The following STAT2 variants were observed in gnomAD, a reference collection of about 807,000 sequenced individuals.
The protein encoded by STAT2 is interferon alpha induced transcriptional activator.
A neutral mutation model predicts 122.3 loss-of-function variants in STAT2; 51 were observed. The ratio of observed to expected loss-of-function variants is 0.42; its 90% CI spans 0.33 to 0.53. The LOEUF (loss-of-function observed/expected upper bound fraction) is 0.53. STAT2 is among the 20% of genes least tolerant of loss of function. STAT2 has a pLI of 0.10. For synonymous variants in STAT2, 351 were observed against 394.9 expected (o/e 0.89, Z 1.32); for missense variants, 736 against 1,010.3 (o/e 0.73, Z 3.68).
rs1443614239 is a variant in STAT2, at chr12:56,349,727, G to A, written c.1210-91C>T. 5.2e-6 allele frequency: 8 copies of A among 1,538,844 alleles called. No homozygotes were observed. The Admixed American group carries it at 1.2e-4, about 23-fold the overall frequency. ...TTGGCTTCAAGACCTCTCAAGCCCTGGGAACTTCCCCCAACCCCTGTTCCT... is the reference window on the plus strand; with the variant it reads ...TTGGCTTCAAGACCTCTCAAGCCCTAGGAACTTCCCCCAACCCCTGTTCCT... On this transcript the variant is annotated intron_variant, in intron 13 of 23. Transcript: ENST00000314128.
At chr12:56,360,006 C>G (rs1460787307) in intron 1 of STAT2, 52 bp downstream of exon 1, 38 of 972,880 alleles carry the variant, frequency 3.9e-5, no homozygotes, top group Non-Finnish European at 4.3e-5. Context: ...CTCGGAGGAA[C>G]TCTCACTCTC....
Position 56,344,091 on chromosome 12 carries a change from G to C in STAT2, c.2147C>G (p.Pro716Arg). 6.3e-7 allele frequency: 1 copy of C among 1,583,958 alleles called. No individual in the cohort carries two copies. The highest frequency in any genetic ancestry group is 8.6e-7 in the Non-Finnish European group (1 of 1,163,732). ...TTCCAGCTCTAATGACTCCAGCTCTGGCTCTGGCTTAAGCTCCAGCGGTTG... is the reference window on the plus strand; with the variant it reads ...TTCCAGCTCTAATGACTCCAGCTCTCGCTCTGGCTTAAGCTCCAGCGGTTG... The part of the protein sequence containing the change: ...LQQPLELKPE[P>R]ELESLELELG... Residue 716 changes from proline to arginine, a missense_variant, in exon 23 of 24, where the codon CCA becomes CGA. Physicochemically the swap from Pro to Arg is moderately radical, Grantham distance 103. Coordinates refer to ENST00000314128, the MANE Select transcript of STAT2 (RefSeq NM_005419.4).
At chr12:56,350,041 T>A in intron 13 of STAT2, 56 bp downstream of exon 13, 1 of 1,464,974 alleles carries the variant, frequency 6.8e-7, no homozygotes, top group Admixed American at 1.8e-5. Flanking sequence ...AGAGTGAGAC[T>A]CCGTCTCAAA....
intron 19 of STAT2, among the ~76,000 whole-genome samples, chr12:56,348,237 G>A (rs1200597410): frequency 1.3e-5 from 2 of 151,834 alleles, no homozygotes; most frequent in East Asian, 1.9e-4. Context: ...ACAGGTGTCT[G>A]CCACCACGCC....
At chr12:56,352,553 C>T (rs1878693884) in intron 8 of STAT2, 2 of 151,710 alleles carry the variant, frequency 1.3e-5, no homozygotes, top group South Asian at 4.1e-4. Flanking sequence ...AGGCCAGGCA[C>T]TCCAGCCTGG....
chr12:56,351,249 CT>C (rs751139040), intron 9 of STAT2, 42 bp downstream of exon 9: 1 of 1,611,928 alleles, frequency 6.2e-7, no homozygotes, highest in East Asian at 2.2e-5. Flanking sequence ...AATGGCTTCC[CT>C]TGTTCCTTCT....
In STAT2 at chr12:56,348,788, A is replaced by G. The variant is rs1877955482; in HGVS notation, c.1593T>C (p.Thr531=). 1 of 1,614,216 alleles carries G rather than the reference A, an allele frequency of 6.2e-7. No individual in the cohort carries two copies. The highest frequency in any genetic ancestry group is 1.1e-5 in the South Asian group (1 of 91,084). Residue 531 remains threonine, a synonymous_variant, in exon 18 of 24, where the codon ACT becomes ACC. Transcript: ENST00000314128. The stretch of plus-strand genomic sequence containing the variant: ...CAGCCCAGGACAATAATGGATCCTC[A>G]GTCCTACAGTTCTGCCCTGTGGGAC... ...RNKLFGQNCR[T]EDPLLSWADF...
chr12:56,359,850 G>C (rs1005347287), intron 1 of STAT2, among the ~76,000 whole-genome samples: 1 of 152,182 alleles, frequency 6.6e-6, no homozygotes, highest in Non-Finnish European at 1.5e-5. Context: ...GAAGCTGCAG[G>C]GCAGTTTTGG....
At position 56,343,860 on chromosome 12, in the gene STAT2, C is replaced by T. The variant is rs762680392; in HGVS notation, c.2378G>A (p.Cys793Tyr). The change falls in exon 23 of 24, where the codon TGT (cysteine) becomes TAT (tyrosine). Residue 793 changes from cysteine to tyrosine, a missense_variant. Transcript: ENST00000314128. Reference protein sequence around the residue: ...SQPVPEPDLPCDLRHLNTEPM... With the variant: ...SQPVPEPDLPYDLRHLNTEPM... ...CTCAGTGTTCAAATGTCTCAGATCACAGGGCAAATCTGGCTCTGGCACTGG... is the reference window on the plus strand; with the variant it reads ...CTCAGTGTTCAAATGTCTCAGATCATAGGGCAAATCTGGCTCTGGCACTGG... 1.4e-5 allele frequency: 23 copies of T among 1,614,246 alleles called. No individual in the cohort carries two copies. The highest frequency in any genetic ancestry group is 2.2e-5 in the East Asian group (1 of 44,892).
Position 56,346,782 on chromosome 12 carries a change from G to A in STAT2, c.1861+37C>T, listed in dbSNP as rs765976236. On this transcript the variant is annotated intron_variant, in intron 20 of 23. Coordinates refer to ENST00000314128, the MANE Select transcript of STAT2 (RefSeq NM_005419.4). The stretch of plus-strand genomic sequence containing the variant: ...GGGCAAGAGGGGAGCCAGGCAGAAA[G>A]GAGAGGCTGTGGGAATGGCAGGGCA... The A allele has an allele frequency of 1.9e-6, 3 of 1,613,502 alleles. No individual in the cohort carries two copies. The South Asian group carries it at 3.3e-5, about 18-fold the overall frequency.
intron 1 of STAT2, among the ~76,000 whole-genome samples, chr12:56,358,391 G>A (rs1166449040): frequency 6.6e-6 from 1 of 151,712 alleles, no homozygotes; most frequent in Non-Finnish European, 1.5e-5. Context: ...GATTACAGGC[G>A]CCCACTACCA....
At chr12:56,347,243 T>C (rs1877634094) in intron 19 of STAT2, among the ~76,000 whole-genome samples, 1 of 149,780 alleles carries the variant, frequency 6.7e-6, no homozygotes, top group African/African-American at 2.5e-5. Flanking sequence ...GGCTGGAGAA[T>C]AGTGGCATGA....
At chr12:56,348,087 G>GTGTT (rs1877790715) in intron 19 of STAT2, among the ~76,000 whole-genome samples, 2 of 119,576 alleles carry the variant, frequency 1.7e-5, no homozygotes, top group Non-Finnish European at 3.5e-5. Flanking sequence ...ATTATTGGTT[G>GTGTT]TTTTTTTTTT....
At chr12:56,354,695 G>A (rs1879241037) in intron 7 of STAT2, 81 bp from the exon 8 acceptor site, 1 of 1,612,040 alleles carries the variant, frequency 6.2e-7, no homozygotes, top group African/African-American at 1.3e-5. Context: ...AAACAAAGAA[G>A]CCAGCGCTAG....
chr12:56,348,939 T>G lies in STAT2; in HGVS notation c.1561A>C (p.Arg521=). ...GLNSDQLSML[R]NKLFGQNCRT... ...AAATCTGTACCGAACAGCTTGTTTC[T>G]CAGCATGCTCAGCTGGTCTGAGTTG... The change falls in exon 17 of 24, where the codon AGA becomes CGA. Residue 521 remains arginine (R), a synonymous_variant. Coordinates refer to ENST00000314128, the MANE Select transcript of STAT2 (RefSeq NM_005419.4). 1 of 1,613,390 alleles carries G rather than the reference T, an allele frequency of 6.2e-7. No homozygotes were observed. Among genetic ancestry groups the G allele is most frequent in the Non-Finnish European group, 8.5e-7 (1 of 1,179,632 alleles).
chr12:56,352,227 T>A (rs1485314992), intron 8 of STAT2, among the ~76,000 whole-genome samples: 1 of 152,102 alleles, frequency 6.6e-6, no homozygotes, highest in Non-Finnish European at 1.5e-5. Flanking sequence ...TACTGTACTT[T>A]ACTGTCTCTA....
At chr12:56,344,405 G>A (rs756289543) in intron 22 of STAT2, among the ~76,000 whole-genome samples, 5 of 152,128 alleles carry the variant, frequency 3.3e-5, no homozygotes, top group Non-Finnish European at 7.4e-5. Flanking sequence ...TCAGGGCTAC[G>A]GAATCTAACA....
intron 1 of STAT2, among the ~76,000 whole-genome samples, 178 bp downstream of exon 1, chr12:56,359,880 G>A (rs1592225233): frequency 6.6e-6 from 1 of 152,264 alleles, no homozygotes; most frequent in African/African-American, 2.4e-5. Context: ...ATTAGGGTTA[G>A]GGAGATAGGC....
chr12:56,343,096 C>T lies in STAT2; in HGVS notation c.*293G>A. ...CCACTGCCCTGAGCCCTCCAAGTAC[C>T]TGTCAACTGCCCTGGCCTGCCCCCA... On this transcript the variant is annotated 3_prime_UTR_variant, in exon 24 of 24. Transcript: ENST00000314128. The T allele has an allele frequency of 3.1e-6, 1 of 320,576 alleles. No individual in the cohort carries two copies. 19.9% of individuals were successfully genotyped at this position (320,576 alleles called of 1,614,324 possible).
Sources: gnomAD v4.1 joint callset for allele counts (sites outside exome capture counted in the v4.1 genomes callset) on GRCh38, gnomAD v4.1.1 for gene constraint, MANE v1.5 for transcripts, NCBI Gene and HGNC (gene_info 2026-07-23, HGNC 2026-07-21) for gene names.